The following TEX15 variants were observed in gnomAD, a reference collection of about 807,000 sequenced individuals.
TEX15 encodes testis-expressed protein 15.
Under a neutral mutation model 237.3 loss-of-function variants are expected in TEX15, and 171 were observed. That is an observed-to-expected ratio of 0.72 (90% confidence interval 0.64 to 0.82). The LOEUF is 0.82. Among genes scored for constraint, TEX15 ranks in the 40% least tolerant of loss-of-function variants. The pLI is 0.00. For synonymous variants in TEX15, 1,338 were observed against 1,269.8 expected, an observed-to-expected ratio of 1.05 and a Z score of -1.14; for missense variants, 3,750 against 3,646.5, an observed-to-expected ratio of 1.03 and a Z score of -0.73.
chr8:30,859,901 A>G lies in TEX15; in HGVS notation c.687+10T>C, dbSNP rs1269046745. 171 of 1,424,468 alleles carry G rather than the reference A, an allele frequency of 1.2e-4. No homozygotes were observed. The highest frequency in any genetic ancestry group is 1.5e-4 in the Non-Finnish European group (163 of 1,095,554). The allele number at this position is 1,424,468 out of a possible 1,614,324, so 88.2% of individuals were successfully genotyped here. ...TACTTTTCAAGAAATCAAATGAACC[A>G]TTAACATACTGCTGAACTGTAGGCT... On this transcript the variant is annotated intron_variant, in intron 6 of 10. Coordinates refer to ENST00000643185, the MANE Select transcript of TEX15 (RefSeq NM_001350162.2).
rs548011487 is a variant in TEX15 at position 30,846,411 on chromosome 8, C to T, written c.3756G>A (p.Thr1252=). The change falls in exon 8 of 11, where the codon ACG becomes ACA. Residue 1252 remains threonine, a synonymous_variant. Transcript: ENST00000643185. ...DLSRNTDVNH[T]SENQNSESLF... ...AAGATTCACTGTTCTGATTTTCAGA[C>T]GTATGATTCACATCTGTATTACGAC... The T allele has an allele frequency of 2.0e-5, 32 of 1,613,336 alleles. No homozygotes were observed. The highest frequency in any genetic ancestry group is 5.0e-5 in the Admixed American group (3 of 59,984).
intron 2 of TEX15, chr8:30,888,837 T>C: frequency 8.9e-6 from 3 of 338,300 alleles, no homozygotes; most frequent in South Asian, 7.7e-5. Flanking sequence ...CAATCAAACA[T>C]GGATCAGGGA....
chr8:30,879,854 TG>T (rs1230461901), intron 3 of TEX15, among the ~76,000 whole-genome samples: 6 of 152,092 alleles, frequency 3.9e-5, no homozygotes. Flanking sequence ...GATAAATTTG[TG>T]GTGAACTGAT....
intron 4 of TEX15, among the ~76,000 whole-genome samples, chr8:30,868,911 A>G (rs528445868): frequency 1.3e-5 from 2 of 148,578 alleles, no homozygotes; most frequent in African/African-American, 5.0e-5. Context: ...CTACCATTAT[A>G]TCATCACAAG....
At chr8:30,867,525 T>C in intron 4 of TEX15, 23 bp from the exon 5 acceptor site, 3 of 1,395,032 alleles carry the variant, frequency 2.2e-6, no homozygotes, top group South Asian at 1.2e-5. Context: ...AAACAATGTA[T>C]ACAGTTAAAG....
At chr8:30,856,927 T>C (rs1012989282) in intron 7 of TEX15, among the ~76,000 whole-genome samples, 9 of 152,202 alleles carry the variant, frequency 5.9e-5, no homozygotes, top group Admixed American at 2.0e-4. Context: ...ATAAGCTGAT[T>C]CTAAAATTTC....
rs1200429529 is a variant in TEX15 at position 30,907,664 on chromosome 8, A to T, written c.-86+5215T>A. On this transcript the variant is annotated intron_variant, in intron 1 of 10. Transcript: ENST00000643185. ...CTAATTTATATATTATATATAATTT[A>T]TATATAAATTATATATAAAATTTTA... Among the ~76,000 whole-genome samples the T allele has an allele frequency of 9.2e-5, 13 of 141,274 alleles. No homozygotes were observed. In the East Asian group the frequency reaches 2.6e-3, roughly 28 times the overall value. The allele number at this position is 141,274 out of a possible 152,430, so 92.7% of individuals were successfully genotyped here.
intron 7 of TEX15, among the ~76,000 whole-genome samples, chr8:30,853,892 G>C (rs1807842390): frequency 6.6e-6 from 1 of 151,536 alleles, no homozygotes; most frequent in Non-Finnish European, 1.5e-5. Flanking sequence ...AAAAAACATG[G>C]TCTGAAAAAA....
At chr8:30,833,441 C>T in intron 10 of TEX15, 118 bp from the exon 11 acceptor site, 2 of 703,610 alleles carry the variant, frequency 2.8e-6, no homozygotes, top group Non-Finnish European at 4.5e-6. Flanking sequence ...TGCTTATTTG[C>T]CCTTAAGTAG....
At chr8:30,874,696 T>A (rs968425384) in intron 4 of TEX15, among the ~76,000 whole-genome samples, 5 of 152,186 alleles carry the variant, frequency 3.3e-5, no homozygotes, top group African/African-American at 1.2e-4. Context: ...TCTGAAAAAT[T>A]TATCAAGGTT....
intron 1 of TEX15, among the ~76,000 whole-genome samples, chr8:30,905,836 G>A (rs1320993859): frequency 6.6e-6 from 1 of 151,512 alleles, no homozygotes; most frequent in African/African-American, 2.4e-5. Context: ...CTCAGAAGGT[G>A]GCTGTTGCAA....
intron 7 of TEX15, among the ~76,000 whole-genome samples, chr8:30,857,362 C>G (rs930610353): frequency 6.6e-6 from 1 of 152,084 alleles, no homozygotes; most frequent in Non-Finnish European, 1.5e-5. Flanking sequence ...AAAATATCTT[C>G]AAGTCCTAGG....
chr8:30,884,008 C>T (rs972005624), intron 3 of TEX15, among the ~76,000 whole-genome samples: 42 of 152,248 alleles, frequency 2.8e-4, no homozygotes, highest in African/African-American at 9.9e-4. Context: ...ACCTCAGCTT[C>T]CCAAGCAGCT....
intron 2 of TEX15, among the ~76,000 whole-genome samples, chr8:30,895,354 T>C (rs1808878787): frequency 1.4e-5 from 2 of 140,422 alleles, no homozygotes; most frequent in African/African-American, 2.7e-5. Context: ...GAATTGGTGA[T>C]GGGGTACTGA....
intron 8 of TEX15, among the ~76,000 whole-genome samples, chr8:30,840,535 C>T (rs966189816): frequency 1.3e-5 from 2 of 152,118 alleles, no homozygotes; most frequent in African/African-American, 4.8e-5. Context: ...ACTATTCCCT[C>T]CCTCTTTTAT....
chr8:30,856,235 G>A (rs1807908404), intron 7 of TEX15, among the ~76,000 whole-genome samples: 1 of 151,996 alleles, frequency 6.6e-6, no homozygotes, highest in Admixed American at 6.5e-5. Flanking sequence ...CATAAGCCAT[G>A]GTGCCCGGCA....
chr8:30,855,422 G>A (rs1269620940), intron 7 of TEX15, among the ~76,000 whole-genome samples: 1 of 152,124 alleles, frequency 6.6e-6, no homozygotes, highest in Non-Finnish European at 1.5e-5. Flanking sequence ...CCACTAGGAT[G>A]GCTATAATAA....
chr8:30,844,767 T>C lies in TEX15; in HGVS notation c.5400A>G (p.Glu1800=), dbSNP rs774899517. 3.7e-6 allele frequency: 6 copies of C among 1,613,506 alleles called. No individual in the cohort carries two copies. The highest frequency in any genetic ancestry group is 2.2e-5 in the East Asian group (1 of 44,868). The part of the protein sequence containing the change: ...NYELDVASGT[E]EDKSYGENIV... ...TATTTTCCCCATAACTTTTATCTTC[T>C]TCAGTTCCTGATGCTACATCCAACT... Residue 1800 remains glutamate, a synonymous_variant, in exon 8 of 11, where the codon GAA becomes GAG. Transcript: ENST00000643185.
intron 10 of TEX15, among the ~76,000 whole-genome samples, chr8:30,835,567 C>T (rs112131248): frequency 0.013 from 1,976 of 151,986 alleles, 46 homozygotes; most frequent in African/African-American, 0.045. Context: ...GAATGAGACC[C>T]TGCCTTAAAA....
Sources: allele counts gnomAD v4.1 joint callset (sites outside exome capture counted in the v4.1 genomes callset), GRCh38; gene constraint gnomAD v4.1.1; transcripts MANE v1.5; gene names NCBI Gene and HGNC (gene_info 2026-07-23, HGNC 2026-07-21).